The following NAV2 variants were observed in gnomAD, a reference collection of about 807,000 sequenced individuals.
The protein encoded by NAV2 is neuron navigator 2.
NAV2 carries 54 observed loss-of-function variants against 223.2 expected under a neutral mutation model. The observed-to-expected ratio is 0.24, with a 90% CI of 0.19 to 0.30. The LOEUF (loss-of-function observed/expected upper bound fraction) is 0.30, where lower values mean the gene tolerates loss of function less well. Ranked by LOEUF, NAV2 falls within the 10% of genes least tolerant of loss-of-function variation. The pLI, the probability that NAV2 is intolerant of heterozygous loss-of-function variation, is 1.00. For missense variants in NAV2, 2,806 were observed against 3,147.5 expected, an observed-to-expected ratio of 0.89 and a Z score of 2.60; for synonymous variants, 1,279 against 1,239.3, an observed-to-expected ratio of 1.03 and a Z score of -0.67.
chr11:19,860,242 C>T lies in NAV2; in HGVS notation c.439-8683C>T, dbSNP rs1260341014. Among the ~76,000 whole-genome samples the T allele has an allele frequency of 4.3e-4, 63 of 144,958 alleles. 1 individual carries two copies. Among genetic ancestry groups the T allele is most frequent in the Admixed American group, 1.4e-4 (2 of 14,744 alleles). On this transcript the variant is annotated intron_variant, in intron 3 of 37. Coordinates refer to ENST00000349880, the MANE Select transcript of NAV2 (RefSeq NM_145117.5). Reference sequence around the variant, plus strand: ...GCTCCTCACTTCCCAGACGGGGTGGCTGCCGGGCAGAGGGGCTCCTCACTT... The same window carrying T: ...GCTCCTCACTTCCCAGACGGGGTGGTTGCCGGGCAGAGGGGCTCCTCACTT...
intron 1 of NAV2, among the ~76,000 whole-genome samples, chr11:19,445,329 G>A (rs982006783): frequency 3.3e-5 from 5 of 152,098 alleles, no homozygotes; most frequent in Admixed American, 2.0e-4. Flanking sequence ...TGCAGGTAGA[G>A]CACTGTGCTG....
intron 11 of NAV2, among the ~76,000 whole-genome samples, chr11:20,021,698 CT>C (rs1185784012): frequency 1.3e-5 from 2 of 152,172 alleles, no homozygotes; most frequent in African/African-American, 4.8e-5. Context: ...ACCCCCACCT[CT>C]GCTTCCCACT....
chr11:19,484,121 A>G (rs868255915), intron 1 of NAV2, among the ~76,000 whole-genome samples: 4 of 55,982 alleles, frequency 7.1e-5, no homozygotes, highest in Non-Finnish European at 1.3e-4. Flanking sequence ...TTTGTGACTG[A>G]TCACAAACAC....
At chr11:19,752,033 G>A (rs1036848926) in intron 1 of NAV2, among the ~76,000 whole-genome samples, 19 of 152,172 alleles carry the variant, frequency 1.2e-4, no homozygotes, top group Admixed American at 4.6e-4. Context: ...TGTTCTCACC[G>A]TCCCTCTGAA....
chr11:20,043,128 C>G (rs527412772), intron 12 of NAV2, among the ~76,000 whole-genome samples: 1 of 152,326 alleles, frequency 6.6e-6, no homozygotes, highest in Non-Finnish European at 1.5e-5. Context: ...GGATGCGCTT[C>G]CCCTCAGCTC....
At position 19,602,209 on chromosome 11, in the gene NAV2, G is replaced by A. The variant is rs1449650696; in HGVS notation, c.76-230275G>A. Among the ~76,000 whole-genome samples, 8 of 133,890 alleles carry A rather than the reference G, an allele frequency of 6.0e-5. No individual in the cohort carries two copies. The East Asian group carries it at 1.7e-3, about 28-fold the overall frequency. 87.8% of individuals were successfully genotyped at this position (133,890 alleles called of 152,430 possible). On this transcript the variant is annotated intron_variant, in intron 1 of 37. Coordinates refer to the NAV2 transcript ENST00000360655. ...TTTTTTTTTTTTGAGATGGAGTCTC[G>A]CTCTGTTGCCCAGGCTGGAATGCAG...
At chr11:19,614,325 A>G (rs150037276) in intron 1 of NAV2, among the ~76,000 whole-genome samples, 24 of 152,300 alleles carry the variant, frequency 1.6e-4, no homozygotes, top group Non-Finnish European at 2.6e-4. Context: ...GCTGCTCAGG[A>G]CAGAGATAAA....
At chr11:19,876,724 C>T (rs940785028) in intron 4 of NAV2, among the ~76,000 whole-genome samples, 1 of 151,816 alleles carries the variant, frequency 6.6e-6, no homozygotes, top group African/African-American at 2.4e-5. Context: ...CTGATGTGAA[C>T]GTGCCTACTT....
chr11:19,435,466 C>G lies in NAV2; in HGVS notation c.75+84439C>G, dbSNP rs1232407008. Among the ~76,000 whole-genome samples the G allele has an allele frequency of 2.0e-5, 3 of 152,248 alleles. No individual in the cohort carries two copies. The East Asian group carries it at 5.8e-4, about 29-fold the overall frequency. On this transcript the variant is annotated intron_variant, in intron 1 of 37. Transcript: ENST00000360655. ...TGTATACATACCACATTTAAAAACT[C>G]TATTCATCTGTTGATGGGCATTTCA...
At chr11:19,675,505 C>T (rs181143903) in intron 1 of NAV2, among the ~76,000 whole-genome samples, 9 of 152,336 alleles carry the variant, frequency 5.9e-5, no homozygotes, top group Non-Finnish European at 1.0e-4. Context: ...TTTCTGTCTC[C>T]TTCACTGTCT....
chr11:19,591,316 G>A (rs1362344999), intron 1 of NAV2: 1 of 152,200 alleles, frequency 6.6e-6, no homozygotes, highest in South Asian at 2.1e-4. Flanking sequence ...CTTAGGATAA[G>A]CTATGCATAT....
At chr11:20,072,750 G>A (rs184143158) in intron 22 of NAV2, among the ~76,000 whole-genome samples, 12 of 152,246 alleles carry the variant, frequency 7.9e-5, no homozygotes, top group African/African-American at 1.7e-4. Context: ...TGTTATTGGC[G>A]TATAGGAATG....
At chr11:19,472,674 G>A (rs1428696648) in intron 1 of NAV2, among the ~76,000 whole-genome samples, 2 of 152,198 alleles carry the variant, frequency 1.3e-5, no homozygotes, top group East Asian at 1.9e-4. Flanking sequence ...CCCCTAGCAG[G>A]CCTCAGGAAG....
intron 1 of NAV2, among the ~76,000 whole-genome samples, chr11:19,554,877 G>A (rs1464676474): frequency 4.0e-5 from 6 of 151,826 alleles, no homozygotes; most frequent in Non-Finnish European, 8.8e-5. Context: ...AACCCGGGAG[G>A]AGGAGGTTGC....
In NAV2 at chr11:19,936,747, C is replaced by T. The variant is rs76345874; in HGVS notation, c.2033+2470C>T. ...GCTAAGGGCTTTCCACATCTTAGCT[C>T]ACTTCATTCTTCCCACACCTCCATG... On this transcript the variant is annotated intron_variant, in intron 7 of 37. Transcript: ENST00000349880. Among the ~76,000 whole-genome samples the T allele has an allele frequency of 4.0e-3, 603 of 152,280 alleles. 2 individuals are homozygous for T. The highest frequency in any genetic ancestry group is 0.014 in the African/African-American group (579 of 41,540).
At chr11:19,768,019 G>A (rs914951696) in intron 1 of NAV2, among the ~76,000 whole-genome samples, 1 of 152,244 alleles carries the variant, frequency 6.6e-6, no homozygotes, top group Non-Finnish European at 1.5e-5. Flanking sequence ...AGAGCTAAGG[G>A]TTCCAGCTGG....
At chr11:20,005,355 C>T (rs192223709) in intron 11 of NAV2, among the ~76,000 whole-genome samples, 1 of 151,312 alleles carries the variant, frequency 6.6e-6, no homozygotes, top group East Asian at 1.9e-4. Flanking sequence ...AAGCAATTCT[C>T]CTCTCTCAAC....
At chr11:19,504,409 C>T (rs61876899) in intron 1 of NAV2, 11 of 152,184 alleles carry the variant, frequency 7.2e-5, no homozygotes, top group Non-Finnish European at 1.3e-4. Context: ...TCAAGGACTC[C>T]AAGCCTGATG....
intron 1 of NAV2, among the ~76,000 whole-genome samples, chr11:19,621,821 T>G (rs1388361212): frequency 2.0e-5 from 3 of 152,220 alleles, no homozygotes; most frequent in African/African-American, 7.2e-5. Flanking sequence ...TTGCTCTTGC[T>G]TCTCTAGTTC....
Sources: gnomAD v4.1 joint callset for allele counts (sites outside exome capture counted in the v4.1 genomes callset) on GRCh38, gnomAD v4.1.1 for gene constraint, MANE v1.5 for transcripts, NCBI Gene and HGNC (gene_info 2026-07-23, HGNC 2026-07-21) for gene names.